Variants in NRXN3 observed in about 807,000 individuals in gnomAD.
NRXN3 encodes the protein neurexin 3.
NRXN3 carries 32 observed loss-of-function variants against 137.6 expected under a neutral mutation model. The observed-to-expected ratio is 0.23, with a 90% CI of 0.18 to 0.31. NRXN3 has a LOEUF of 0.31. Ranked by LOEUF, NRXN3 falls within the 10% of genes least tolerant of loss-of-function variation. NRXN3 has a pLI of 1.00. For missense variants in NRXN3, 1,574 were observed against 2,062.5 expected (o/e 0.76, Z 4.59); for synonymous variants, 798 against 784.5 (o/e 1.02, Z -0.29).
intron 3 of NRXN3, among the ~76,000 whole-genome samples, chr14:78,291,700 G>A (rs60523064): frequency 0.049 from 7,429 of 152,046 alleles, 472 homozygotes; most frequent in East Asian, 0.28. Context: ...CTGATTTTGC[G>A]TAATTACTCT....
At chr14:78,405,887 C>T (rs1394181143) in intron 4 of NRXN3, among the ~76,000 whole-genome samples, 6 of 152,218 alleles carry the variant, frequency 3.9e-5, no homozygotes, top group Admixed American at 1.3e-4. Flanking sequence ...CTGCTACCCA[C>T]ATAGCAGGTG....
intron 4 of NRXN3, among the ~76,000 whole-genome samples, chr14:78,421,484 A>T (rs1476478602): frequency 6.6e-6 from 1 of 152,138 alleles, no homozygotes; most frequent in African/African-American, 2.4e-5. Flanking sequence ...TTAGGAGAGT[A>T]TTTAATAATG....
chr14:78,788,792 T>G (rs554748794), intron 8 of NRXN3, among the ~76,000 whole-genome samples: 1 of 152,344 alleles, frequency 6.6e-6, no homozygotes, highest in East Asian at 1.9e-4. Flanking sequence ...TGTTTTTTAA[T>G]GGTTTCCTGA....
At chr14:78,554,041 A>T (rs962267629) in intron 4 of NRXN3, among the ~76,000 whole-genome samples, 4 of 152,176 alleles carry the variant, frequency 2.6e-5, no homozygotes, top group Non-Finnish European at 4.4e-5. Context: ...ATGGGAACAG[A>T]TGGCCCAAAA....
intron 17 of NRXN3, among the ~76,000 whole-genome samples, chr14:79,680,377 C>A (rs1291387408): frequency 2.0e-5 from 3 of 151,876 alleles, no homozygotes; most frequent in East Asian, 1.9e-4. Flanking sequence ...GAGAGTGAAA[C>A]CCTGTCTCAA....
chr14:79,639,463 T>C (rs1402610793), intron 16 of NRXN3, among the ~76,000 whole-genome samples: 2 of 152,194 alleles, frequency 1.3e-5, no homozygotes, highest in South Asian at 2.1e-4. Context: ...AGTTGAGTAC[T>C]AATGTGGCTT....
At chr14:79,726,219 T>C (rs2098888318) in intron 19 of NRXN3, among the ~76,000 whole-genome samples, 1 of 152,208 alleles carries the variant, frequency 6.6e-6, no homozygotes, top group South Asian at 2.1e-4. Context: ...ACTTAGAGAA[T>C]TAAATGTAGG....
At chr14:78,604,174 C>G (rs947148680) in intron 4 of NRXN3, among the ~76,000 whole-genome samples, 4 of 152,176 alleles carry the variant, frequency 2.6e-5, no homozygotes, top group African/African-American at 9.7e-5. Context: ...ATGAGGGAAA[C>G]TGCCTCCATA....
At chr14:79,403,373 C>T (rs1323783911) in intron 15 of NRXN3, among the ~76,000 whole-genome samples, 2 of 151,962 alleles carry the variant, frequency 1.3e-5, no homozygotes, top group African/African-American at 4.8e-5. Context: ...GGGTACAAGG[C>T]TTTGGAACAG....
intron 6 of NRXN3, among the ~76,000 whole-genome samples, chr14:78,652,008 C>T (rs1480202842): frequency 2.0e-5 from 3 of 152,176 alleles, no homozygotes; most frequent in African/African-American, 7.2e-5. Flanking sequence ...AGGTGAAAGG[C>T]CATTGAAATC....
intron 8 of NRXN3, among the ~76,000 whole-genome samples, chr14:78,716,056 G>A (rs370661762): frequency 6.6e-6 from 1 of 152,112 alleles, no homozygotes; most frequent in Non-Finnish European, 1.5e-5. Flanking sequence ...CTGTTGGGGT[G>A]GGGAGGAGGG....
chr14:78,487,315 AGGGCAGGCTTCCT>A (rs1336317385), intron 4 of NRXN3, among the ~76,000 whole-genome samples: 1 of 152,210 alleles, frequency 6.6e-6, no homozygotes, highest in East Asian at 1.9e-4. Context: ...GGAGGAGGCC[AGGGCAGGCTTCCT>A]GGGTGCTCAG....
At chr14:78,941,913 C>T (rs1368321934) in intron 10 of NRXN3, among the ~76,000 whole-genome samples, 1 of 152,144 alleles carries the variant, frequency 6.6e-6, no homozygotes, top group Admixed American at 6.5e-5. Context: ...TAAAAAGCAC[C>T]ACCATCAGCA....
intron 16 of NRXN3, among the ~76,000 whole-genome samples, chr14:79,545,648 G>T (rs1319958015): frequency 6.6e-6 from 1 of 151,832 alleles, no homozygotes; most frequent in East Asian, 1.9e-4. Context: ...TACCATAAGA[G>T]ATTGTATTCG....
At chr14:78,662,273 C>A (rs1186177856) in intron 6 of NRXN3, among the ~76,000 whole-genome samples, 1 of 151,388 alleles carries the variant, frequency 6.6e-6, no homozygotes, top group African/African-American at 2.4e-5. Flanking sequence ...ATTCAAGATC[C>A]TAACAACGTT....
At chr14:78,559,695 C>A (rs1021086263) in intron 4 of NRXN3, among the ~76,000 whole-genome samples, 1 of 152,152 alleles carries the variant, frequency 6.6e-6, no homozygotes, top group Non-Finnish European at 1.5e-5. Context: ...CCATTTGACA[C>A]GTATAAAATT....
At chr14:79,012,898 T>C (rs977623447) in intron 15 of NRXN3, among the ~76,000 whole-genome samples, 1 of 152,192 alleles carries the variant, frequency 6.6e-6, no homozygotes, top group Non-Finnish European at 1.5e-5. Context: ...GGTTTAGTTC[T>C]GCTACCATAC....
chr14:79,147,336 T>C (rs1310377924), intron 15 of NRXN3, among the ~76,000 whole-genome samples: 3 of 152,146 alleles, frequency 2.0e-5, no homozygotes, highest in Non-Finnish European at 4.4e-5. Context: ...TTTAGCAGCT[T>C]TTCTGTTGAC....
chr14:79,281,773 A>C (rs1179862788), intron 15 of NRXN3: 1 of 152,228 alleles, frequency 6.6e-6, no homozygotes, highest in Non-Finnish European at 1.5e-5. Context: ...CCTCCAGGGA[A>C]CATGAGCGTG....
Sources: gnomAD v4.1 joint callset for allele counts (sites outside exome capture counted in the v4.1 genomes callset) on GRCh38, gnomAD v4.1.1 for gene constraint, MANE v1.5 for transcripts, NCBI Gene and HGNC (gene_info 2026-07-23, HGNC 2026-07-21) for gene names.